The following GLT8D2 variants were observed in gnomAD, a reference collection of about 807,000 sequenced individuals.
GLT8D2 encodes glycosyltransferase 8 domain-containing protein 2.
GLT8D2 carries 45 observed loss-of-function variants against 44.5 expected under a neutral mutation model. That is an observed-to-expected ratio of 1.01 (90% CI 0.80 to 1.30). The LOEUF (loss-of-function observed/expected upper bound fraction) is 1.30. GLT8D2 is among the 50% of genes most tolerant of loss of function. GLT8D2 has a pLI of 0.00. For synonymous variants in GLT8D2, 156 were observed against 157.2 expected (o/e 0.99, Z 0.06); for missense variants, 400 against 430.4 (o/e 0.93, Z 0.62).
At chr12:104,012,611 T>C (rs958604995) in intron 4 of GLT8D2, 1 of 459,528 alleles carries the variant, frequency 2.2e-6, no homozygotes, top group Non-Finnish European at 3.8e-6. Flanking sequence ...CAGATGACAT[T>C]TGTCTTTATG....
chr12:103,992,764 T>G (rs912501144), intron 10 of GLT8D2, among the ~76,000 whole-genome samples: 1 of 152,088 alleles, frequency 6.6e-6, no homozygotes. Flanking sequence ...AGTGCTGGGA[T>G]TACAAGCGTG....
chr12:104,062,288 G>C (rs1882723884), intron 1 of GLT8D2, among the ~76,000 whole-genome samples: 1 of 152,014 alleles, frequency 6.6e-6, no homozygotes, highest in Non-Finnish European at 1.5e-5. Context: ...GGCCAGGCTG[G>C]TCTCGAACTC....
intron 8 of GLT8D2, among the ~76,000 whole-genome samples, chr12:103,996,007 AG>A (rs1389831669): frequency 4.6e-5 from 7 of 152,226 alleles, no homozygotes; most frequent in African/African-American, 1.7e-4. Context: ...AACTTGCCCG[AG>A]GTCATAAAAC....
At chr12:104,040,428 AT>A (rs561208185) in intron 1 of GLT8D2, among the ~76,000 whole-genome samples, 146 of 152,248 alleles carry the variant, frequency 9.6e-4, no homozygotes, top group Non-Finnish European at 1.6e-3. Context: ...TGAAAAAAAA[AT>A]GTTTTTTTTC....
chr12:104,061,029 T>C (rs138190103), intron 1 of GLT8D2, among the ~76,000 whole-genome samples: 60 of 152,216 alleles, frequency 3.9e-4, no homozygotes, highest in African/African-American at 1.3e-3. Flanking sequence ...AGGGCTGCCA[T>C]GGATTGACAG....
chr12:104,024,975 C>A (rs75767331), intron 1 of GLT8D2, among the ~76,000 whole-genome samples: 1 of 144,984 alleles, frequency 6.9e-6, no homozygotes, highest in Admixed American at 7.3e-5. Flanking sequence ...GAGGCTGAGG[C>A]AGGAGAATTG....
rs1362806446 is a variant in GLT8D2, at chr12:103,999,421, TGA to T, written c.376_377del (p.Ser126IlefsTer4). Reference protein sequence around the residue: ...MVLKGKIRPDSSRPELLQPLN... With the variant: ...MVLKGKIRPDXSRPELLQPLN... Reference sequence around the variant, plus strand: ...CAGGCTGGAGCAATTCAGGCCTCGATGAGTCTGGTCTGATCTTCCCTTTGAGG... The same window carrying T: ...CAGGCTGGAGCAATTCAGGCCTCGATGTCTGGTCTGATCTTCCCTTTGAGG... On this transcript the variant is annotated frameshift_variant, in exon 6 of 11. Coordinates refer to ENST00000360814, the MANE Select transcript of GLT8D2 (RefSeq NM_001384711.1). LOFTEE classifies it high-confidence loss of function. 1 of 1,609,776 alleles carries T rather than the reference TGA, an allele frequency of 6.2e-7. No homozygotes were observed. Among genetic ancestry groups the T allele is most frequent in the Non-Finnish European group, 8.5e-7 (1 of 1,176,178 alleles).
At chr12:103,996,388 T>TA (rs941717747) in intron 8 of GLT8D2, among the ~76,000 whole-genome samples, 2 of 152,210 alleles carry the variant, frequency 1.3e-5, no homozygotes, top group Non-Finnish European at 2.9e-5. Flanking sequence ...GCAACCTAGG[T>TA]AACAATGATC....
At chr12:104,049,563 C>A (rs1320370872) in intron 1 of GLT8D2, 1 of 152,148 alleles carries the variant, frequency 6.6e-6, no homozygotes, top group Admixed American at 6.5e-5. Flanking sequence ...TAATAGCATT[C>A]ATCCACATCC....
intron 1 of GLT8D2, among the ~76,000 whole-genome samples, chr12:104,043,367 C>T (rs1350883870): frequency 6.6e-6 from 1 of 152,198 alleles, no homozygotes; most frequent in Non-Finnish European, 1.5e-5. Context: ...GGCATCTGCA[C>T]TTATAGTAAT....
chr12:104,062,087 T>G (rs1473441053), intron 1 of GLT8D2, among the ~76,000 whole-genome samples: 3 of 152,098 alleles, frequency 2.0e-5, no homozygotes, highest in Non-Finnish European at 4.4e-5. Flanking sequence ...GTTTGTTTGT[T>G]TTTTAGACTG....
chr12:104,058,879 C>G (rs897642881), intron 1 of GLT8D2, among the ~76,000 whole-genome samples: 1 of 152,164 alleles, frequency 6.6e-6, no homozygotes, highest in Admixed American at 6.5e-5. Flanking sequence ...TCAAAGACCC[C>G]CAGAGATGCC....
At chr12:104,059,898 C>T (rs1882483550) in intron 1 of GLT8D2, among the ~76,000 whole-genome samples, 1 of 152,168 alleles carries the variant, frequency 6.6e-6, no homozygotes, top group Admixed American at 6.5e-5. Context: ...TCTCTCCTTG[C>T]CAGCCATTGT....
At chr12:104,037,209 C>T (rs1367737460) in intron 1 of GLT8D2, among the ~76,000 whole-genome samples, 3 of 152,118 alleles carry the variant, frequency 2.0e-5, no homozygotes, top group East Asian at 3.9e-4. Flanking sequence ...CAAGAGAAAA[C>T]AGGAAAGATC....
chr12:104,015,232 T>G (rs1876395828), intron 3 of GLT8D2, 127 bp from the exon 4 acceptor site: 2 of 659,704 alleles, frequency 3.0e-6, no homozygotes, highest in Admixed American at 4.7e-5. Flanking sequence ...GACCTTTCTA[T>G]AAGCAGACAG....
chr12:104,007,364 A>G (rs1351912538), intron 4 of GLT8D2, among the ~76,000 whole-genome samples: 1 of 148,772 alleles, frequency 6.7e-6, no homozygotes, highest in Non-Finnish European at 1.5e-5. Flanking sequence ...GTTCTAGCTG[A>G]TATTTCATTC....
intron 1 of GLT8D2, among the ~76,000 whole-genome samples, chr12:104,021,718 G>A (rs545913289): frequency 1.3e-5 from 2 of 151,542 alleles, no homozygotes; most frequent in East Asian, 3.9e-4. Context: ...GAGCCCAGGA[G>A]GTTGAGGCTG....
chr12:104,049,183 A>ATT (rs11395447), intron 1 of GLT8D2, among the ~76,000 whole-genome samples: 25 of 150,212 alleles, frequency 1.7e-4, no homozygotes, highest in Non-Finnish European at 2.2e-4. Context: ...GAGAGGACTG[A>ATT]TTTTTTTTTT....
chr12:104,003,357 A>G, intron 4 of GLT8D2, 51 bp from the exon 5 acceptor site: 1 of 1,544,292 alleles, frequency 6.5e-7, no homozygotes, highest in Non-Finnish European at 8.9e-7. Flanking sequence ...TTCACAGTAG[A>G]GCCAGTTTAA....
Sources: allele counts gnomAD v4.1 joint callset (sites outside exome capture counted in the v4.1 genomes callset), GRCh38; gene constraint gnomAD v4.1.1; transcripts MANE v1.5; gene names NCBI Gene and HGNC (gene_info 2026-07-23, HGNC 2026-07-21).